FRK: variants seen among roughly 807,000 people sequenced by gnomAD.
FRK encodes the protein fyn related Src family tyrosine kinase, also known as tyrosine-protein kinase FRK.
FRK carries 51 observed loss-of-function variants against 56.4 expected under a neutral mutation model. The observed-to-expected ratio is 0.90, with a 90% CI of 0.72 to 1.14. FRK has a LOEUF of 1.14. FRK is among the 50% of genes most tolerant of loss of function. FRK has a pLI of 0.00. For synonymous variants in FRK, 245 were observed against 217.9 expected (o/e 1.12, Z -1.10); for missense variants, 570 against 601.4 (o/e 0.95, Z 0.55).
rs573515396 is a variant in FRK, at chr6:116,054,434, T to C, written c.344+5534A>G. On this transcript the variant is annotated intron_variant, in intron 1 of 7. Transcript: ENST00000606080. ...AATATAGTATTATTTATATAGTATA[T>C]TATATATTATTTATACTATATTATA... Among the ~76,000 whole-genome samples, 277 of 144,940 alleles carry C rather than the reference T, an allele frequency of 1.9e-3. 3 individuals are homozygous for C. The highest frequency in any genetic ancestry group is 0.019 in the South Asian group (90 of 4,734).
At chr6:116,002,001 T>C (rs1775081025) in intron 2 of FRK, among the ~76,000 whole-genome samples, 1 of 152,200 alleles carries the variant, frequency 6.6e-6, no homozygotes, top group East Asian at 1.9e-4. Context: ...TATATGTATA[T>C]GTGCATAAAA....
In FRK at chr6:115,941,813, G is replaced by A. The variant is rs495565; in HGVS notation, c.*601C>T. 0.61 allele frequency: 92,998 copies of A among 152,424 alleles called. 28,756 individuals carry two copies. The highest frequency in any genetic ancestry group is 0.84 in the East Asian group (4,331 of 5,174). 9.4% of individuals were successfully genotyped at this position (152,424 alleles called of 1,614,324 possible). ...CCTTCTGCAAAATGAAAAAGACTTC[G>A]TTTTCTCAACAGCTGCATCATTTTT... On this transcript the variant is annotated 3_prime_UTR_variant, in exon 8 of 8. Transcript: ENST00000606080.
At chr6:115,994,379 C>T (rs560175662) in intron 2 of FRK, among the ~76,000 whole-genome samples, 3 of 131,812 alleles carry the variant, frequency 2.3e-5, no homozygotes, top group South Asian at 5.3e-4. Context: ...GAAAAGAAAC[C>T]TGGTACTTAG....
intron 1 of FRK, among the ~76,000 whole-genome samples, chr6:116,022,743 A>G (rs1291423032): frequency 6.6e-6 from 1 of 152,208 alleles, no homozygotes; most frequent in Non-Finnish European, 1.5e-5. Flanking sequence ...AGCTACAAGC[A>G]GTTTTATATA....
upstream of FRK, among the ~76,000 whole-genome samples, chr6:116,064,008 A>C (rs1410525929): frequency 6.6e-6 from 1 of 152,192 alleles, no homozygotes; most frequent in Non-Finnish European, 1.5e-5. Flanking sequence ...ATCTGATATT[A>C]TTCTTCTATG....
intron 1 of FRK, among the ~76,000 whole-genome samples, chr6:116,048,117 A>G (rs898640770): frequency 3.9e-5 from 6 of 152,202 alleles, no homozygotes; most frequent in African/African-American, 1.2e-4. Flanking sequence ...TGCAGTTCTT[A>G]TATTACTGTG....
chr6:115,981,438 T>C (rs117837050), intron 2 of FRK, among the ~76,000 whole-genome samples: 1,997 of 152,164 alleles, frequency 0.013, 22 homozygotes, highest in South Asian at 0.043. Context: ...ATAGAAACAT[T>C]TAACCACTAA....
intron 1 of FRK, among the ~76,000 whole-genome samples, chr6:116,026,406 C>A (rs1776088768): frequency 6.6e-6 from 1 of 151,430 alleles, no homozygotes; most frequent in African/African-American, 2.4e-5. Flanking sequence ...CAAGGCAAAA[C>A]CCTTCAGGAT....
At chr6:116,023,583 T>C (rs1775962283) in intron 1 of FRK, among the ~76,000 whole-genome samples, 2 of 152,246 alleles carry the variant, frequency 1.3e-5, no homozygotes, top group Admixed American at 1.3e-4. Context: ...TAGGCAAAAC[T>C]AAGCTATGGT....
At position 115,931,612 on chromosome 6, in the gene FRK, T is replaced by C. The variant is rs144375784; in HGVS notation, c.*10802A>G. The C allele has an allele frequency of 6.4e-3, 982 of 152,318 alleles. 11 individuals are homozygous for C. The highest frequency in any genetic ancestry group is 0.022 in the African/African-American group (916 of 41,576). The allele number at this position is 152,318 out of a possible 1,614,324, so 9.4% of individuals were successfully genotyped here. On this transcript the variant is annotated 3_prime_UTR_variant, in exon 8 of 8. Transcript: ENST00000606080. Reference sequence around the variant, plus strand: ...CTAATTGATTTTATTTCTTATTTTTTGAATCAATAATTAAATATAGATTTT... The same window carrying C: ...CTAATTGATTTTATTTCTTATTTTTCGAATCAATAATTAAATATAGATTTT...
At chr6:116,063,265 T>C (rs1777683180), upstream of FRK, among the ~76,000 whole-genome samples, 2 of 152,200 alleles carry the variant, frequency 1.3e-5, no homozygotes, top group Non-Finnish European at 1.5e-5. Context: ...CTCCTATGTT[T>C]ATTGCAGCAC....
chr6:116,048,625 A>G (rs1373417306), intron 1 of FRK, among the ~76,000 whole-genome samples: 1 of 151,938 alleles, frequency 6.6e-6, no homozygotes, highest in African/African-American at 2.4e-5. Context: ...GGCTCAAGTG[A>G]TCTTCCCACC....
At chr6:115,955,134 T>G (rs1392719657) in intron 5 of FRK, among the ~76,000 whole-genome samples, 7 of 151,808 alleles carry the variant, frequency 4.6e-5, no homozygotes, top group African/African-American at 1.7e-4. Context: ...AGGGAACTAG[T>G]GACGTTGTGA....
At chr6:116,002,390 C>T (rs529303693) in intron 2 of FRK, among the ~76,000 whole-genome samples, 8 of 152,204 alleles carry the variant, frequency 5.3e-5, no homozygotes, top group Non-Finnish European at 1.0e-4. Flanking sequence ...AGGCCAAGGG[C>T]GGTGGATCAC....
At chr6:116,051,339 AC>A (rs910236591) in intron 1 of FRK, among the ~76,000 whole-genome samples, 1 of 152,176 alleles carries the variant, frequency 6.6e-6, no homozygotes, top group African/African-American at 2.4e-5. Context: ...TATTAAAAAT[AC>A]GTTAATAAAA....
At chr6:116,056,092 G>C (rs758773301) in intron 1 of FRK, among the ~76,000 whole-genome samples, 15 of 151,992 alleles carry the variant, frequency 9.9e-5, no homozygotes, top group Non-Finnish European at 1.9e-4. Flanking sequence ...TCCCCTTTCT[G>C]GGAGATTAAA....
upstream of FRK, among the ~76,000 whole-genome samples, chr6:116,065,237 T>G (rs577991414): frequency 2.0e-5 from 3 of 152,294 alleles, no homozygotes; most frequent in Admixed American, 2.0e-4. Flanking sequence ...CAGGACGAAT[T>G]AATGATCCCC....
intron 2 of FRK, among the ~76,000 whole-genome samples, chr6:115,978,055 C>T (rs535213573): frequency 3.3e-4 from 51 of 152,276 alleles, no homozygotes; most frequent in South Asian, 1.2e-3. Flanking sequence ...CAGAGAAATG[C>T]TCAGAGAAAT....
chr6:116,023,902 T>C (rs1447657665), intron 1 of FRK, among the ~76,000 whole-genome samples: 1 of 152,188 alleles, frequency 6.6e-6, no homozygotes, highest in East Asian at 1.9e-4. Context: ...AGAATAATTT[T>C]TCAAAGCTAC....
Sources: gnomAD v4.1 joint callset for allele counts (sites outside exome capture counted in the v4.1 genomes callset) on GRCh38, gnomAD v4.1.1 for gene constraint, MANE v1.5 for transcripts, NCBI Gene and HGNC (gene_info 2026-07-23, HGNC 2026-07-21) for gene names.